EXOSC3: variants seen among roughly 807,000 people sequenced by gnomAD.
EXOSC3 encodes exosome component 3, also known as exosome complex component RRP40.
EXOSC3 carries 18 observed loss-of-function variants against 25.1 expected under a neutral mutation model. That is an observed-to-expected ratio of 0.72 (90% CI 0.50 to 1.06). The LOEUF (loss-of-function observed/expected upper bound fraction) is 1.06. Ranked by LOEUF, EXOSC3 falls within the 50% of genes least tolerant of loss-of-function variation. The probability of loss-of-function intolerance (pLI) is 0.00; values close to 1 mark genes in which losing one functional copy is unlikely to be tolerated. For missense variants in EXOSC3, 382 were observed against 350.9 expected (o/e 1.09, Z -0.71); for synonymous variants, 165 against 132.2 (o/e 1.25, Z -1.70).
chr9:37,779,901 G>A lies in EXOSC3; in HGVS notation c.*778C>T, dbSNP rs1160674816. The A allele has an allele frequency of 6.6e-5, 10 of 152,120 alleles. No homozygotes were observed. The highest frequency in any genetic ancestry group is 2.4e-4 in the African/African-American group (10 of 41,428). The allele number at this position is 152,120 out of a possible 1,614,324, so 9.4% of individuals were successfully genotyped here. A position where few individuals can be genotyped will look rare whatever the true frequency, so the allele number is the denominator to read the frequency against. Reference sequence around the variant, plus strand: ...GGTTAATATACTAAATAGCATAGAAGAGTTTTCTATGCTTAGCTCCTAGGA... The same window carrying A: ...GGTTAATATACTAAATAGCATAGAAAAGTTTTCTATGCTTAGCTCCTAGGA... On this transcript the variant is annotated 3_prime_UTR_variant, in exon 4 of 4. Transcript: ENST00000327304.
At chr9:37,782,295 T>TG (rs1377684104) in intron 2 of EXOSC3, among the ~76,000 whole-genome samples, 158 bp from the exon 3 acceptor site, 10 of 152,160 alleles carry the variant, frequency 6.6e-5, no homozygotes, top group Admixed American at 2.6e-4. Context: ...AGTTGAGTCT[T>TG]GGGGAAAAAA....
intron 2 of EXOSC3, among the ~76,000 whole-genome samples, chr9:37,782,592 C>T (rs1368614955): frequency 6.6e-6 from 1 of 152,132 alleles, no homozygotes; most frequent in Non-Finnish European, 1.5e-5. Flanking sequence ...TACAGATTTA[C>T]AGAGAAAGGA....
Position 37,784,005 on chromosome 9 carries a change from AT to A in EXOSC3, c.382del (p.Ile128TyrfsTer75). ...ACTCCCTCCAACATCAACTTTGAAT[AT>A]ATCTCCAGATTTAGCTGTCACTATG... ...IGIVTAKSGD[I>X]FKVDVGGSEP... On this transcript the variant is annotated frameshift_variant, in exon 2 of 4. Coordinates refer to ENST00000327304, the MANE Select transcript of EXOSC3 (RefSeq NM_016042.4). LOFTEE classifies it high-confidence loss of function. 1 of 1,614,082 alleles carries A rather than the reference AT, an allele frequency of 6.2e-7. No homozygotes were observed. The highest frequency in any genetic ancestry group is 8.5e-7 in the Non-Finnish European group (1 of 1,179,972).
In EXOSC3 at chr9:37,780,887, GGAAGA is replaced by G. The variant is rs778480656; in HGVS notation, c.627-12_627-8del. The G allele has an allele frequency of 7.2e-5, 116 of 1,609,878 alleles. No homozygotes were observed. The highest frequency in any genetic ancestry group is 9.4e-5 in the Non-Finnish European group (111 of 1,178,436). On this transcript the variant is annotated splice_region_variant and splice_polypyrimidine_tract_variant and intron_variant, in intron 3 of 3. Coordinates refer to ENST00000327304, the MANE Select transcript of EXOSC3 (RefSeq NM_016042.4). Reference sequence around the variant, plus strand: ...ACAATCTGGAGCTAATAGCCTGGTGGGAAGAGAAAAGAAAATGAAATTTAATGAAG... The same window carrying G: ...ACAATCTGGAGCTAATAGCCTGGTGGGAAAAGAAAATGAAATTTAATGAAG...
upstream of EXOSC3, chr9:37,785,077 C>T (rs956003121): frequency 1.9e-6 from 3 of 1,561,990 alleles, no homozygotes; most frequent in South Asian, 2.3e-5. Context: ...TTCCGGTACC[C>T]GCCTTCCGCT....
At chr9:37,781,002 C>G (rs1265458050) in intron 3 of EXOSC3, 122 bp from the exon 4 acceptor site, 8 of 791,362 alleles carry the variant, frequency 1.0e-5, no homozygotes, top group Non-Finnish European at 1.6e-5. Flanking sequence ...GAACAAGGCA[C>G]GTGATGACAT....
At chr9:37,784,178 A>C in intron 1 of EXOSC3, 115 bp from the exon 2 acceptor site, 1 of 1,145,530 alleles carries the variant, frequency 8.7e-7, no homozygotes. Flanking sequence ...ATCTGATCAA[A>C]TGCCACTTTC....
At chr9:37,784,440 C>T in intron 1 of EXOSC3, 1 of 532,980 alleles carries the variant, frequency 1.9e-6, no homozygotes, top group Admixed American at 3.5e-5. Context: ...TAGTCCTGCC[C>T]TCTGAGACTC....
intron 2 of EXOSC3, 50 bp from the exon 3 acceptor site, chr9:37,782,187 G>A (rs1041290044): frequency 6.3e-7 from 1 of 1,597,402 alleles, no homozygotes; most frequent in Non-Finnish European, 8.6e-7. Context: ...AACTACAGGT[G>A]CTACTATTGG....
intron 2 of EXOSC3, 100 bp from the exon 3 acceptor site, chr9:37,782,237 T>C: frequency 7.7e-7 from 1 of 1,298,846 alleles, no homozygotes; most frequent in Non-Finnish European, 1.1e-6. Flanking sequence ...CCTACAGTTC[T>C]GTGGCTAAGG....
At position 37,780,867 on chromosome 9, in the gene EXOSC3, CTG is replaced by C; in HGVS notation, c.638_639del (p.Pro213ArgfsTer3). ...CCCACTTCCTGTATGATTTCACAATCTGGAGCTAATAGCCTGGTGGGAAGAGA... is the reference window on the plus strand; with the variant it reads ...CCCACTTCCTGTATGATTTCACAATCGAGCTAATAGCCTGGTGGGAAGAGA... ...TLGLIRKLLA[P>X]DCEIIQEVGK... On this transcript the variant is annotated frameshift_variant, in exon 4 of 4. Coordinates refer to ENST00000327304, the MANE Select transcript of EXOSC3 (RefSeq NM_016042.4). LOFTEE classifies it high-confidence loss of function. The C allele has an allele frequency of 6.2e-7, 1 of 1,613,210 alleles. No homozygotes were observed. Among genetic ancestry groups the C allele is most frequent in the African/African-American group, 1.3e-5 (1 of 75,046 alleles).
Position 37,781,194 on chromosome 9 carries a change from TAC to T in EXOSC3, c.627-316_627-315del, listed in dbSNP as rs1388489278. Among the ~76,000 whole-genome samples, 9 of 152,170 alleles carry T rather than the reference TAC, an allele frequency of 5.9e-5. No individual in the cohort carries two copies. In the South Asian group the frequency reaches 1.9e-3, roughly 32 times the overall value. On this transcript the variant is annotated intron_variant, in intron 3 of 3. Coordinates refer to ENST00000327304, the MANE Select transcript of EXOSC3 (RefSeq NM_016042.4). ...ACTGGGAATCATAACTTTTTTTATC[TAC>T]AGTGTTAAGACACTTTAAACTTATT... is the stretch of plus-strand genomic sequence containing the variant.
At chr9:37,782,749 C>T (rs1279226449) in intron 2 of EXOSC3, among the ~76,000 whole-genome samples, 1 of 152,222 alleles carries the variant, frequency 6.6e-6, no homozygotes, top group African/African-American at 2.4e-5. Context: ...ATTCTGTTCA[C>T]TCAACAAAAC....
rs535370583 is a variant in EXOSC3 at position 37,783,282 on chromosome 9, T to G, written c.474+632A>C. 2.0e-5 allele frequency among the ~76,000 whole-genome samples: 3 copies of G among 152,116 alleles called. 1 individual carries two copies. The highest frequency in any genetic ancestry group is 4.2e-4 in the South Asian group (2 of 4,810). On this transcript the variant is annotated intron_variant, in intron 2 of 3. Coordinates refer to ENST00000327304, the MANE Select transcript of EXOSC3 (RefSeq NM_016042.4). ...TTAATGAAGAAGTGACTGAGACCAG[T>G]CAAGAGGGAGCTGAAGCCTGAACTT... is the stretch of plus-strand genomic sequence containing the variant.
At position 37,780,610 on chromosome 9, in the gene EXOSC3, TGGG is replaced by T. The variant is rs1828564481; in HGVS notation, c.*66_*68del. ...ACACCTTATCTTCTGAGTATTTAAA[TGGG>T]GGAGGTTCACCTGAAAAAACCCATA... On this transcript the variant is annotated 3_prime_UTR_variant, in exon 4 of 4. Coordinates refer to ENST00000327304, the MANE Select transcript of EXOSC3 (RefSeq NM_016042.4). 1.0e-5 allele frequency: 12 copies of T among 1,195,562 alleles called. No individual in the cohort carries two copies. The highest frequency in any genetic ancestry group is 1.5e-5 in the Non-Finnish European group (12 of 812,464). The allele number at this position is 1,195,562 out of a possible 1,614,324, so 74.1% of individuals were successfully genotyped here.
In EXOSC3 at chr9:37,785,023, C is replaced by T. The variant is rs1290396912; in HGVS notation, c.22G>A (p.Ala8Thr). MAEPASV[A>T]AESLAGSRAR... The stretch of plus-strand genomic sequence containing the variant: ...CTGCTGCCCGCGAGAGATTCAGCCG[C>T]GACAGACGCAGGTTCGGCCATCGCG... The change falls in exon 1 of 4, where the codon GCG becomes ACG. Residue 8 changes from alanine to threonine, a missense_variant. Physicochemically the swap from Ala to Thr is moderately conservative, Grantham distance 58. Coordinates refer to ENST00000327304, the MANE Select transcript of EXOSC3 (RefSeq NM_016042.4). 4 of 1,600,768 alleles carry T rather than the reference C, an allele frequency of 2.5e-6. No homozygotes were observed. The highest frequency in any genetic ancestry group is 4.5e-5 in the East Asian group (2 of 44,520).
chr9:37,780,506 G>T lies in EXOSC3; in HGVS notation c.*173C>A. ...CGAACAAAAAAAATGATTTTGCAAT[G>T]ATTTTCTCTCCCACAAAAGCGTGGG... On this transcript the variant is annotated 3_prime_UTR_variant, in exon 4 of 4. Coordinates refer to ENST00000327304, the MANE Select transcript of EXOSC3 (RefSeq NM_016042.4). 3.3e-6 allele frequency: 2 copies of T among 597,528 alleles called. No homozygotes were observed. The highest frequency in any genetic ancestry group is 2.9e-6 in the Non-Finnish European group (1 of 342,828). The allele number at this position is 597,528 out of a possible 1,614,324, so 37.0% of individuals were successfully genotyped here.
chr9:37,781,767 C>T (rs1414757930), intron 3 of EXOSC3: 3 of 538,872 alleles, frequency 5.6e-6, no homozygotes, highest in Non-Finnish European at 9.8e-6. Flanking sequence ...GAAGTATCAG[C>T]CCACCAGAAA....
chr9:37,782,811 A>C (rs1231367377), intron 2 of EXOSC3, among the ~76,000 whole-genome samples: 2 of 152,180 alleles, frequency 1.3e-5, no homozygotes, highest in Non-Finnish European at 2.9e-5. Context: ...AAAGGAACAA[A>C]ACATTCTCTG....
Sources: gnomAD v4.1 joint callset for allele counts (sites outside exome capture counted in the v4.1 genomes callset) on GRCh38, gnomAD v4.1.1 for gene constraint, MANE v1.5 for transcripts, NCBI Gene and HGNC (gene_info 2026-07-23, HGNC 2026-07-21) for gene names.